NAV2: variants seen among roughly 807,000 people sequenced by gnomAD.
NAV2 encodes helicase, APC down-regulated 1.
A neutral mutation model predicts 223.2 loss-of-function variants in NAV2; 54 were observed. That is an observed-to-expected ratio of 0.24 (90% confidence interval 0.19 to 0.30). The LOEUF is 0.30. NAV2 is among the 10% of genes least tolerant of loss of function. NAV2 has a pLI of 1.00. For missense variants in NAV2, 2,806 were observed against 3,147.5 expected, an observed-to-expected ratio of 0.89 and a Z score of 2.60; for synonymous variants, 1,279 against 1,239.3, an observed-to-expected ratio of 1.03 and a Z score of -0.67.
chr11:19,586,052 C>T (rs1347286122), intron 1 of NAV2, among the ~76,000 whole-genome samples: 2 of 152,200 alleles, frequency 1.3e-5, no homozygotes, highest in African/African-American at 4.8e-5. Flanking sequence ...CACATAGTCC[C>T]ATATTTGTTG....
intron 1 of NAV2, among the ~76,000 whole-genome samples, chr11:19,728,455 A>C (rs1385855756): frequency 6.6e-6 from 1 of 152,184 alleles, no homozygotes; most frequent in African/African-American, 2.4e-5. Context: ...TGAGATCTGA[A>C]TTTGAGACTA....
chr11:19,831,230 G>GGGC (rs1555083783), intron 1 of NAV2, among the ~76,000 whole-genome samples: 2 of 89,716 alleles, frequency 2.2e-5, no homozygotes, highest in African/African-American at 8.7e-5. Context: ...TTGCGGGGGG[G>GGGC]GGGGGGGCGC....
intron 1 of NAV2, among the ~76,000 whole-genome samples, chr11:19,788,303 G>A (rs1353641838): frequency 6.6e-6 from 1 of 152,170 alleles, no homozygotes; most frequent in African/African-American, 2.4e-5. Context: ...TGTCCCCGAG[G>A]GGGGAAAATT....
chr11:19,643,327 A>T (rs2047719492), intron 1 of NAV2, among the ~76,000 whole-genome samples: 1 of 68,170 alleles, frequency 1.5e-5, no homozygotes, highest in Non-Finnish European at 2.6e-5. Context: ...CCCCCACCCC[A>T]CGACAGGCCC....
intron 12 of NAV2, among the ~76,000 whole-genome samples, chr11:20,037,230 G>A (rs1205093165): frequency 6.6e-6 from 1 of 151,938 alleles, no homozygotes; most frequent in Non-Finnish European, 1.5e-5. Flanking sequence ...AACCTTGCGG[G>A]GAGGCAGAAC....
At position 20,045,358 on chromosome 11, in the gene NAV2, G is replaced by A; in HGVS notation, c.3590G>A (p.Ser1197Asn). 1 of 1,614,158 alleles carries A rather than the reference G, an allele frequency of 6.2e-7. No individual in the cohort carries two copies. The highest frequency in any genetic ancestry group is 8.5e-7 in the Non-Finnish European group (1 of 1,180,030). Residue 1197 changes from serine to asparagine, a missense_variant, in exon 14 of 38, where the codon AGT becomes AAT. Physicochemically the swap from Ser to Asn is conservative, Grantham distance 46 (BLOSUM62 1). Transcript: ENST00000349880. ...NLQYRSLPRP[S>N]KSNSRNGAGN... Reference sequence around the variant, plus strand: ...CAGTACCGGAGTTTGCCGAGGCCCAGTAAGTCCAACAGCCGGAACGGGGCT... The same window carrying A: ...CAGTACCGGAGTTTGCCGAGGCCCAATAAGTCCAACAGCCGGAACGGGGCT...
At chr11:19,521,786 A>G (rs774393063) in intron 1 of NAV2, among the ~76,000 whole-genome samples, 29 of 152,196 alleles carry the variant, frequency 1.9e-4, no homozygotes, top group Admixed American at 1.8e-3. Context: ...TAACGTGCCA[A>G]CGGTCGCTCC....
chr11:19,364,211 T>A (rs554472716), intron 1 of NAV2, among the ~76,000 whole-genome samples: 1 of 152,222 alleles, frequency 6.6e-6, no homozygotes, highest in South Asian at 2.1e-4. Flanking sequence ...TTGTTATGAA[T>A]AACAAAAGGT....
chr11:19,564,658 T>A (rs1171144361), intron 1 of NAV2, among the ~76,000 whole-genome samples: 3 of 127,692 alleles, frequency 2.3e-5, no homozygotes, highest in African/African-American at 1.4e-4. Flanking sequence ...GCCCTCTAGT[T>A]CCCTTCCTGC....
At chr11:19,714,215 C>T (rs2050094511) in intron 1 of NAV2, 2 of 689,324 alleles carry the variant, frequency 2.9e-6, no homozygotes, top group African/African-American at 3.5e-5. Context: ...GCAGCATCTT[C>T]CTGGGGAGGA....
chr11:20,033,570 T>G (rs550221282), intron 11 of NAV2, among the ~76,000 whole-genome samples: 2 of 152,178 alleles, frequency 1.3e-5, no homozygotes, highest in South Asian at 4.2e-4. Flanking sequence ...CCTTGTGGAT[T>G]CATTCACAAT....
chr11:19,377,489 G>A (rs1236312235), intron 1 of NAV2, among the ~76,000 whole-genome samples: 1 of 152,186 alleles, frequency 6.6e-6, no homozygotes, highest in Non-Finnish European at 1.5e-5. Flanking sequence ...CCCTCGCTGT[G>A]TTTGGATATT....
intron 1 of NAV2, among the ~76,000 whole-genome samples, chr11:19,747,302 A>G (rs1305265765): frequency 1.3e-5 from 2 of 151,958 alleles, no homozygotes; most frequent in African/African-American, 4.8e-5. Context: ...ATTGTTGGAC[A>G]TTTATGTTGT....
At chr11:19,447,188 A>G (rs1283169776) in intron 1 of NAV2, among the ~76,000 whole-genome samples, 1 of 152,188 alleles carries the variant, frequency 6.6e-6, no homozygotes, top group Non-Finnish European at 1.5e-5. Flanking sequence ...AATGAACAAA[A>G]CTAGTTGGAA....
chr11:19,466,708 G>A (rs1282917517), intron 1 of NAV2, among the ~76,000 whole-genome samples: 7 of 152,212 alleles, frequency 4.6e-5, no homozygotes, highest in Admixed American at 4.6e-4. Context: ...AGTTGGGACA[G>A]GTCATGGACA....
At chr11:19,414,233 C>T (rs956602034) in intron 1 of NAV2, among the ~76,000 whole-genome samples, 6 of 152,200 alleles carry the variant, frequency 3.9e-5, no homozygotes, top group Admixed American at 1.3e-4. Context: ...ATTTACCAAG[C>T]AAATGGAAAG....
chr11:19,900,461 G>T (rs1214865510), intron 6 of NAV2, among the ~76,000 whole-genome samples: 1 of 152,156 alleles, frequency 6.6e-6, no homozygotes, highest in Non-Finnish European at 1.5e-5. Flanking sequence ...CATCTGCTCA[G>T]GATGACCCTC....
intron 1 of NAV2, among the ~76,000 whole-genome samples, chr11:19,744,052 A>AT (rs1364568613): frequency 6.6e-6 from 1 of 152,220 alleles, no homozygotes; most frequent in African/African-American, 2.4e-5. Flanking sequence ...TTTCACAGAG[A>AT]TTATCTCATC....
At chr11:19,852,585 T>C (rs145618734) in intron 3 of NAV2, among the ~76,000 whole-genome samples, 32 of 152,334 alleles carry the variant, frequency 2.1e-4, no homozygotes, top group Non-Finnish European at 3.7e-4. Context: ...AACTCACAAA[T>C]AGGTACTTTG....
Sources: gnomAD v4.1 joint callset for allele counts (sites outside exome capture counted in the v4.1 genomes callset) on GRCh38, gnomAD v4.1.1 for gene constraint, MANE v1.5 for transcripts, NCBI Gene and HGNC (gene_info 2026-07-23, HGNC 2026-07-21) for gene names.